Variants in ANKIB1 observed in about 807,000 individuals in gnomAD.
ANKIB1 encodes the protein ankyrin repeat and IBR domain containing 1, also known as ankyrin repeat and IBR domain-containing protein 1.
ANKIB1 carries 43 observed loss-of-function variants against 122.1 expected under a neutral mutation model. That is an observed-to-expected ratio of 0.35 (90% CI 0.28 to 0.45). ANKIB1 has a LOEUF of 0.45. ANKIB1 is among the 20% of genes least tolerant of loss of function. ANKIB1 has a pLI of 1.00. For missense variants in ANKIB1, 992 were observed against 1,329.5 expected (o/e 0.75, Z 3.95); for synonymous variants, 390 against 442.0 (o/e 0.88, Z 1.48).
At chr7:92,292,013 C>T (rs1802260659) in intron 1 of ANKIB1, among the ~76,000 whole-genome samples, 1 of 152,160 alleles carries the variant, frequency 6.6e-6, no homozygotes, top group Admixed American at 6.5e-5. Context: ...CTGTTTGGTA[C>T]TCCAGTACTT....
chr7:92,316,094 A>T (rs1167562243), intron 3 of ANKIB1, among the ~76,000 whole-genome samples: 2 of 152,166 alleles, frequency 1.3e-5, no homozygotes, highest in Non-Finnish European at 2.9e-5. Flanking sequence ...TGCGATCATG[A>T]TAATTTGGTT....
chr7:92,292,215 T>TCG (rs1378052948), intron 1 of ANKIB1, among the ~76,000 whole-genome samples: 3 of 152,214 alleles, frequency 2.0e-5, no homozygotes, highest in Non-Finnish European at 2.9e-5. Flanking sequence ...CTGTGACCGT[T>TCG]TAGATGATGC....
At chr7:92,330,075 C>A (rs750305056) in intron 5 of ANKIB1, among the ~76,000 whole-genome samples, 1 of 152,178 alleles carries the variant, frequency 6.6e-6, no homozygotes, top group Non-Finnish European at 1.5e-5. Context: ...CCATTTCTTT[C>A]CCTTTACCAA....
chr7:92,353,108 A>G (rs1397698248), intron 9 of ANKIB1, among the ~76,000 whole-genome samples: 6 of 152,204 alleles, frequency 3.9e-5, no homozygotes, highest in Non-Finnish European at 7.3e-5. Context: ...AGGAGCTCCC[A>G]AAATTACCAA....
intron 11 of ANKIB1, among the ~76,000 whole-genome samples, chr7:92,382,295 C>T (rs535023019): frequency 3.3e-5 from 5 of 152,260 alleles, no homozygotes; most frequent in Middle Eastern, 3.4e-3. Context: ...TAATGGGAGA[C>T]TTTAACACCC....
At position 92,360,420 on chromosome 7, in the gene ANKIB1, G is replaced by A. The variant is rs569340272; in HGVS notation, c.1398-1765G>A. ...CCAAATATTATTCCTTCTTATGGCT[G>A]AATATTCAATTGTGTGAACGTGTGT... On this transcript the variant is annotated intron_variant, in intron 9 of 19. Coordinates refer to ENST00000265742, the MANE Select transcript of ANKIB1 (RefSeq NM_019004.2). 2.6e-5 allele frequency among the ~76,000 whole-genome samples: 4 copies of A among 152,260 alleles called. No homozygotes were observed. The East Asian group carries it at 7.7e-4, about 29-fold the overall frequency.
intron 2 of ANKIB1, among the ~76,000 whole-genome samples, chr7:92,299,481 A>G (rs1282613548): frequency 6.6e-6 from 1 of 152,234 alleles, no homozygotes; most frequent in Non-Finnish European, 1.5e-5. Flanking sequence ...AATTTTTGGT[A>G]TAGTATCAAA....
At chr7:92,357,320 A>G (rs1562791496) in intron 9 of ANKIB1, among the ~76,000 whole-genome samples, 1 of 152,092 alleles carries the variant, frequency 6.6e-6, no homozygotes, top group Non-Finnish European at 1.5e-5. Context: ...GAGATTCAGT[A>G]TGCTGTGTCC....
intron 10 of ANKIB1, among the ~76,000 whole-genome samples, chr7:92,371,149 G>T (rs2115638737): frequency 6.7e-6 from 1 of 150,260 alleles, no homozygotes; most frequent in South Asian, 2.1e-4. Context: ...TGATACAATA[G>T]TTATTTTAAA....
At chr7:92,257,069 A>T (rs1192951930) in intron 1 of ANKIB1, among the ~76,000 whole-genome samples, 1 of 152,108 alleles carries the variant, frequency 6.6e-6, no homozygotes, top group East Asian at 1.9e-4. Flanking sequence ...GCGTGCCTGT[A>T]ATTCTAACTA....
In ANKIB1 at chr7:92,311,996, TTGAC is replaced by T. The variant is rs1353123276; in HGVS notation, c.486+4342_486+4345del. Among the ~76,000 whole-genome samples the T allele has an allele frequency of 2.0e-5, 3 of 152,338 alleles. No individual in the cohort carries two copies. The East Asian group carries it at 5.8e-4, about 29-fold the overall frequency. On this transcript the variant is annotated intron_variant, in intron 3 of 19. Coordinates refer to ENST00000265742, the MANE Select transcript of ANKIB1 (RefSeq NM_019004.2). ...TAGAGACTTCACTAGTGCTTGATTC[TTGAC>T]TCTAGATTCTATTAATGATGCTACC...
chr7:92,346,162 C>T (rs1003182347), intron 7 of ANKIB1, among the ~76,000 whole-genome samples: 2 of 151,844 alleles, frequency 1.3e-5, no homozygotes, highest in Admixed American at 6.6e-5. Flanking sequence ...GGGTCTCACT[C>T]TGTCACCCAG....
intron 2 of ANKIB1, among the ~76,000 whole-genome samples, chr7:92,305,236 A>T (rs1802537641): frequency 6.6e-6 from 1 of 152,202 alleles, no homozygotes; most frequent in Non-Finnish European, 1.5e-5. Flanking sequence ...GCTATTATGT[A>T]ACTTGCCCAA....
chr7:92,354,423 A>G (rs1803742298), intron 9 of ANKIB1, among the ~76,000 whole-genome samples: 1 of 152,180 alleles, frequency 6.6e-6, no homozygotes, highest in South Asian at 2.1e-4. Context: ...CACATGGACT[A>G]AGGTCACACT....
chr7:92,311,935 C>T (rs935254643), intron 3 of ANKIB1, among the ~76,000 whole-genome samples: 3 of 152,116 alleles, frequency 2.0e-5, no homozygotes, highest in Non-Finnish European at 2.9e-5. Flanking sequence ...TCAAATTCAG[C>T]GTTTTCAAAA....
chr7:92,291,015 T>C (rs573937983), intron 1 of ANKIB1, among the ~76,000 whole-genome samples: 144 of 152,174 alleles, frequency 9.5e-4, no homozygotes, highest in Non-Finnish European at 1.8e-3. Flanking sequence ...ATAATTGGGC[T>C]GGGTGCAGTG....
At position 92,246,472 on chromosome 7, in the gene ANKIB1, C is replaced by T. The variant is rs1053651473; in HGVS notation, c.-138C>T. On this transcript the variant is annotated 5_prime_UTR_variant, in exon 1 of 20. Coordinates refer to ENST00000265742, the MANE Select transcript of ANKIB1 (RefSeq NM_019004.2). ...GGCAGGGGCGGCGGAGGCGGAACTG[C>T]GGAGTTGCTGGGTCCACCGACCCTT... 1 of 518,234 alleles carries T rather than the reference C, an allele frequency of 1.9e-6. No homozygotes were observed. The highest frequency in any genetic ancestry group is 3.8e-6 in the Non-Finnish European group (1 of 259,776). The allele number at this position is 518,234 out of a possible 1,614,324, so 32.1% of individuals were successfully genotyped here. A position where few individuals can be genotyped will look rare whatever the true frequency, so the allele number is the denominator to read the frequency against.
intron 5 of ANKIB1, among the ~76,000 whole-genome samples, chr7:92,329,174 G>A (rs529086335): frequency 6.6e-6 from 1 of 151,952 alleles, no homozygotes; most frequent in African/African-American, 2.4e-5. Flanking sequence ...CATCATGTTG[G>A]CCAGGCTGGT....
chr7:92,336,769 A>G (rs923581079), intron 5 of ANKIB1, among the ~76,000 whole-genome samples: 6 of 152,140 alleles, frequency 3.9e-5, no homozygotes, highest in Admixed American at 2.6e-4. Flanking sequence ...AAACTTGTAC[A>G]AATAGAAACT....
Sources: gnomAD v4.1 joint callset for allele counts (sites outside exome capture counted in the v4.1 genomes callset) on GRCh38, gnomAD v4.1.1 for gene constraint, MANE v1.5 for transcripts, NCBI Gene and HGNC (gene_info 2026-07-23, HGNC 2026-07-21) for gene names.